The following FAM200B variants were observed in gnomAD, a reference collection of about 807,000 sequenced individuals.
FAM200B encodes protein FAM200B.
In FAM200B, 32 loss-of-function variants were observed where a neutral mutation model predicts 33.1. The observed-to-expected ratio is 0.97, with a 90% CI of 0.73 to 1.30. The LOEUF is 1.30. Among genes scored for constraint, FAM200B ranks in the 50% most tolerant of loss-of-function variants. The pLI is 0.00. For synonymous variants in FAM200B, 240 were observed against 264.8 expected (o/e 0.91, Z 0.91); for missense variants, 741 against 754.0 (o/e 0.98, Z 0.20).
At chr4:15,646,558 T>C in the FAM200B span, among the ~76,000 whole-genome samples, 1 of 151,958 alleles carries the variant, frequency 6.6e-6, no homozygotes, top group African/African-American at 2.4e-5. Context: ...ATTATTATTA[T>C]TATTATACTT....
intron 1 of FAM200B, among the ~76,000 whole-genome samples, chr4:15,682,520 AC>A (rs759874369): frequency 2.6e-5 from 4 of 151,946 alleles, no homozygotes; most frequent in Non-Finnish European, 5.9e-5. Flanking sequence ...TCTCCTAACC[AC>A]CTTTATGCAA....
At chr4:15,672,722 C>T in the FAM200B span, among the ~76,000 whole-genome samples, 2 of 152,178 alleles carry the variant, frequency 1.3e-5, no homozygotes, top group African/African-American at 2.4e-5. Context: ...AAACACTGCA[C>T]ACTTAGGCTT....
chr4:15,656,229 C>G, the FAM200B span: 1 of 456,226 alleles, frequency 2.2e-6, no homozygotes, highest in East Asian at 7.0e-5. Context: ...GGTCACTAAC[C>G]CAGGAAAATG....
the FAM200B span, chr4:15,655,101 C>G: frequency 1.1e-5 from 10 of 934,756 alleles, no homozygotes; most frequent in Non-Finnish European, 1.4e-5. Context: ...GCGGCGACGG[C>G]ACGGGGCTGC....
chr4:15,655,595 G>A, the FAM200B span, among the ~76,000 whole-genome samples: 10 of 152,194 alleles, frequency 6.6e-5, no homozygotes, highest in Admixed American at 6.5e-4. Flanking sequence ...TTCACTACAT[G>A]AAAGCACAGT....
the FAM200B span, among the ~76,000 whole-genome samples, chr4:15,664,550 CTTTTT>C: frequency 6.6e-5 from 5 of 75,520 alleles, no homozygotes; most frequent in Admixed American, 4.1e-4. Context: ...GGCCCTCATC[CTTTTT>C]TTTTTTTTTT....
chr4:15,653,172 C>T, the FAM200B span, among the ~76,000 whole-genome samples: 2 of 151,960 alleles, frequency 1.3e-5, no homozygotes, highest in African/African-American at 2.4e-5. Context: ...TCGTGATAAA[C>T]GTATACAACA....
chr4:15,653,336 TTCAAAA>T, the FAM200B span, among the ~76,000 whole-genome samples: 1 of 152,204 alleles, frequency 6.6e-6, no homozygotes, highest in Admixed American at 6.5e-5. Context: ...CAACTGCATT[TTCAAAA>T]TTTGTTCAAA....
Position 15,687,667 on chromosome 4 carries a change from T to A in FAM200B, c.690T>A (p.Asp230Glu). ...QSGIDFAIQL[D>E]ESTDIGSCTT... ...GTATAGATTTTGCAATCCAGCTTGA[T>A]GAAAGCACTGATATTGGAAGCTGCA... is the stretch of plus-strand genomic sequence containing the variant. Residue 230 changes from aspartate (D) to glutamate (E), a missense_variant, in exon 2 of 2, where the codon GAT becomes GAA. Transcript: ENST00000422728. 1 of 1,551,262 alleles carries A rather than the reference T, an allele frequency of 6.4e-7. No homozygotes were observed. Among genetic ancestry groups the A allele is most frequent in the East Asian group, 2.4e-5 (1 of 40,884 alleles).
the FAM200B span, among the ~76,000 whole-genome samples, chr4:15,647,935 C>A: frequency 6.6e-6 from 1 of 152,200 alleles, no homozygotes; most frequent in Non-Finnish European, 1.5e-5. Flanking sequence ...CTCACTGCAA[C>A]CTCAAACTCC....
At chr4:15,663,792 A>T in the FAM200B span, among the ~76,000 whole-genome samples, 3 of 152,206 alleles carry the variant, frequency 2.0e-5, no homozygotes, top group African/African-American at 7.2e-5. Flanking sequence ...AGTAAGTCCA[A>T]AAGTGAACTC....
the FAM200B span, among the ~76,000 whole-genome samples, chr4:15,648,120 T>G: frequency 6.6e-6 from 1 of 152,124 alleles, no homozygotes; most frequent in African/African-American, 2.4e-5. Flanking sequence ...GCATCCTGAG[T>G]TGCTGAGATT....
At position 15,687,514 on chromosome 4, in the gene FAM200B, G is replaced by A. The variant is rs940109447; in HGVS notation, c.537G>A (p.Val179=). 1.9e-6 allele frequency: 3 copies of A among 1,550,768 alleles called. No individual in the cohort carries two copies. The highest frequency in any genetic ancestry group is 2.4e-5 in the East Asian group (1 of 40,882). The part of the protein sequence containing the change: ...KIILPACLDM[V]RTIFDDKSAD... ...TTCTTCCAGCATGTTTGGATATGGT[G>A]CGTACAATATTTGATGATAAATCAG... The change falls in exon 2 of 2, where the codon GTG becomes GTA. Residue 179 remains valine (V), a synonymous_variant. Transcript: ENST00000422728.
At chr4:15,647,609 T>C in the FAM200B span, among the ~76,000 whole-genome samples, 1 of 152,184 alleles carries the variant, frequency 6.6e-6, no homozygotes, top group Non-Finnish European at 1.5e-5. Context: ...AATAACACAT[T>C]AAGGTAAAGA....
chr4:15,643,069 T>C, the FAM200B span, among the ~76,000 whole-genome samples: 1 of 152,232 alleles, frequency 6.6e-6, no homozygotes, highest in African/African-American at 2.4e-5. Flanking sequence ...CAATACATAA[T>C]ATGATACAAA....
At chr4:15,638,096 CAAGGA>C in the FAM200B span, among the ~76,000 whole-genome samples, 2 of 151,768 alleles carry the variant, frequency 1.3e-5, no homozygotes, top group African/African-American at 2.4e-5. Context: ...GAAAAAAACA[CAAGGA>C]AAGAGAAAAG....
At chr4:15,675,607 G>A in the FAM200B span, among the ~76,000 whole-genome samples, 1 of 106,326 alleles carries the variant, frequency 9.4e-6, no homozygotes, top group African/African-American at 3.6e-5. Flanking sequence ...TTGAGGCAGA[G>A]TTTTGCTCTT....
the FAM200B span, among the ~76,000 whole-genome samples, chr4:15,642,243 CTT>C: frequency 9.7e-4 from 137 of 141,744 alleles, no homozygotes; most frequent in African/African-American, 1.4e-3. Flanking sequence ...ATAATGAAAA[CTT>C]TTTTTTTTTT....
the FAM200B span, chr4:15,640,909 T>C: frequency 7.9e-7 from 1 of 1,260,222 alleles, no homozygotes; most frequent in South Asian, 1.5e-5. Context: ...AAAATACATT[T>C]TTATAAAAGT....
Sources: allele counts gnomAD v4.1 joint callset (sites outside exome capture counted in the v4.1 genomes callset), GRCh38; gene constraint gnomAD v4.1.1; transcripts MANE v1.5; gene names NCBI Gene and HGNC (gene_info 2026-07-23, HGNC 2026-07-21).